PCLO: variants seen among roughly 807,000 people sequenced by gnomAD.
PCLO encodes the protein piccolo presynaptic cytomatrix protein, also known as protein piccolo.
PCLO carries 82 observed loss-of-function variants against 427.5 expected under a neutral mutation model. The observed-to-expected ratio is 0.19, with a 90% CI of 0.16 to 0.23. PCLO has a LOEUF of 0.23. Among genes scored for constraint, PCLO ranks in the 10% least tolerant of loss-of-function variants. The pLI is 1.00. For missense variants in PCLO, 6,239 were observed against 6,115.9 expected, an observed-to-expected ratio of 1.02 and a Z score of -0.67; for synonymous variants, 2,357 against 2,155.4, an observed-to-expected ratio of 1.09 and a Z score of -2.59.
chr7:82,836,019 A>T (rs1792225143), intron 15 of PCLO, among the ~76,000 whole-genome samples: 1 of 152,098 alleles, frequency 6.6e-6, no homozygotes, highest in Non-Finnish European at 1.5e-5. Context: ...GACAAATTGC[A>T]TGAGGATAGC....
At chr7:83,132,231 T>C (rs1791593219) in intron 3 of PCLO, among the ~76,000 whole-genome samples, 1 of 152,194 alleles carries the variant, frequency 6.6e-6, no homozygotes, top group Non-Finnish European at 1.5e-5. Flanking sequence ...TAGTTGCTTT[T>C]GTTAGATCTT....
chr7:82,779,242 A>T (rs1348471319), intron 22 of PCLO, among the ~76,000 whole-genome samples: 1 of 152,166 alleles, frequency 6.6e-6, no homozygotes. Context: ...TGCAGGTGAC[A>T]TAGGAAAGAT....
chr7:83,007,864 T>C (rs1456245174), intron 3 of PCLO, among the ~76,000 whole-genome samples: 1 of 150,848 alleles, frequency 6.6e-6, no homozygotes, highest in Non-Finnish European at 1.5e-5. Flanking sequence ...AAAATCTATG[T>C]AGTGTACTTA....
At chr7:82,893,374 G>A (rs755801927) in intron 9 of PCLO, among the ~76,000 whole-genome samples, 1 of 151,986 alleles carries the variant, frequency 6.6e-6, no homozygotes, top group Non-Finnish European at 1.5e-5. Context: ...ACTGAACAAT[G>A]AGAACACATG....
At chr7:82,962,258 A>T (rs535039689) in intron 4 of PCLO, among the ~76,000 whole-genome samples, 85 of 152,272 alleles carry the variant, frequency 5.6e-4, no homozygotes, top group South Asian at 1.4e-3. Flanking sequence ...GTTTTCACTA[A>T]TTTCAATAAT....
intron 22 of PCLO, among the ~76,000 whole-genome samples, chr7:82,768,654 G>T (rs1421842545): frequency 6.6e-6 from 1 of 151,680 alleles, no homozygotes; most frequent in East Asian, 1.9e-4. Context: ...TTTCTCTTTA[G>T]CTAAAGTGTT....
intron 13 of PCLO, among the ~76,000 whole-genome samples, chr7:82,842,731 T>A (rs893646080): frequency 1.3e-5 from 2 of 151,888 alleles, no homozygotes; most frequent in Non-Finnish European, 1.5e-5. Context: ...ATAACCTGAA[T>A]TAAAAATGGG....
chr7:82,784,224 G>C (rs1427351218), intron 22 of PCLO, among the ~76,000 whole-genome samples: 1 of 152,088 alleles, frequency 6.6e-6, no homozygotes, highest in Non-Finnish European at 1.5e-5. Flanking sequence ...AGTTCTTGCA[G>C]TGTTCAACAA....
At chr7:83,012,936 G>C (rs1788120501) in intron 3 of PCLO, among the ~76,000 whole-genome samples, 1 of 152,018 alleles carries the variant, frequency 6.6e-6, no homozygotes, top group African/African-American at 2.4e-5. Context: ...CCAATGCAGA[G>C]AAGGAAAGTC....
At chr7:83,131,517 C>T (rs1349064728) in intron 3 of PCLO, among the ~76,000 whole-genome samples, 1 of 152,034 alleles carries the variant, frequency 6.6e-6, no homozygotes, top group African/African-American at 2.4e-5. Context: ...CAGGGTGGCA[C>T]CAGCAGGAAA....
At chr7:83,019,124 G>T (rs1788279855) in intron 3 of PCLO, among the ~76,000 whole-genome samples, 1 of 151,958 alleles carries the variant, frequency 6.6e-6, no homozygotes, top group African/African-American at 2.4e-5. Context: ...GTGAGTGAAT[G>T]AGTGAATGAA....
At chr7:83,039,889 C>T (rs868717806) in intron 3 of PCLO, among the ~76,000 whole-genome samples, 5 of 152,024 alleles carry the variant, frequency 3.3e-5, no homozygotes, top group South Asian at 4.1e-4. Flanking sequence ...TAATTACTTC[C>T]GTTAAATTTA....
chr7:82,800,627 C>T (rs1434121619), intron 22 of PCLO, among the ~76,000 whole-genome samples: 1 of 151,728 alleles, frequency 6.6e-6, no homozygotes, highest in Non-Finnish European at 1.5e-5. Flanking sequence ...ATGGAGTCTC[C>T]CTCTGTCGCC....
At chr7:82,877,055 T>C (rs1428795331) in intron 10 of PCLO, among the ~76,000 whole-genome samples, 1 of 152,168 alleles carries the variant, frequency 6.6e-6, no homozygotes, top group Non-Finnish European at 1.5e-5. Flanking sequence ...TAAGAAGGAT[T>C]TAGTAGCAGT....
chr7:82,903,555 G>A (rs983341838), intron 8 of PCLO, among the ~76,000 whole-genome samples: 7 of 151,828 alleles, frequency 4.6e-5, no homozygotes, highest in Non-Finnish European at 7.4e-5. Flanking sequence ...GTAAATTAGC[G>A]AATGCAAACT....
chr7:82,912,206 G>A (rs574507475), intron 7 of PCLO, among the ~76,000 whole-genome samples: 1 of 151,924 alleles, frequency 6.6e-6, no homozygotes, highest in Non-Finnish European at 1.5e-5. Flanking sequence ...TATAGATATA[G>A]CATATATTTG....
intron 3 of PCLO, among the ~76,000 whole-genome samples, chr7:82,986,969 A>G (rs1476565619): frequency 6.6e-6 from 1 of 151,940 alleles, no homozygotes; most frequent in East Asian, 1.9e-4. Flanking sequence ...TTATTCTTAC[A>G]ATCTCTATTA....
At chr7:83,100,448 A>G (rs1790709082) in intron 3 of PCLO, among the ~76,000 whole-genome samples, 1 of 152,232 alleles carries the variant, frequency 6.6e-6, no homozygotes, top group Non-Finnish European at 1.5e-5. Flanking sequence ...AATGTGGTAC[A>G]TATACATCAT....
intron 2 of PCLO, 59 bp downstream of exon 2, chr7:83,154,689 A>G (rs1272482681): frequency 1.5e-5 from 18 of 1,229,396 alleles, no homozygotes; most frequent in South Asian, 1.3e-5. Flanking sequence ...GTTAAGCATC[A>G]TTTGTATAAG....
Sources: allele counts gnomAD v4.1 joint callset (sites outside exome capture counted in the v4.1 genomes callset), GRCh38; gene constraint gnomAD v4.1.1; transcripts MANE v1.5; gene names NCBI Gene and HGNC (gene_info 2026-07-23, HGNC 2026-07-21).